ELL2: variants seen among roughly 807,000 people sequenced by gnomAD.
ELL2 encodes the protein elongation factor for RNA polymerase II 2, also known as RNA polymerase II elongation factor ELL2.
Under a neutral mutation model 72.8 loss-of-function variants are expected in ELL2, and 21 were observed. That is an observed-to-expected ratio of 0.29 (90% CI 0.20 to 0.42). The LOEUF (loss-of-function observed/expected upper bound fraction) is 0.42, where lower values mean the gene tolerates loss of function less well. ELL2 is among the 10% of genes least tolerant of loss of function. The pLI is 1.00. For missense variants in ELL2, 568 were observed against 772.8 expected, an observed-to-expected ratio of 0.73 and a Z score of 3.14; for synonymous variants, 266 against 283.2, an observed-to-expected ratio of 0.94 and a Z score of 0.61.
At chr5:95,907,757 G>T (rs1048783572) in intron 4 of ELL2, among the ~76,000 whole-genome samples, 5 of 152,152 alleles carry the variant, frequency 3.3e-5, no homozygotes, top group Admixed American at 6.5e-5. Context: ...TATGCCCTCT[G>T]GTTAAAGAAG....
intron 2 of ELL2, 95 bp from the exon 3 acceptor site, chr5:95,919,640 T>C (rs2112310809): frequency 7.1e-7 from 1 of 1,417,426 alleles, no homozygotes; most frequent in Middle Eastern, 1.9e-4. Context: ...GTGAAAATCA[T>C]TTTAGACCTA....
intron 7 of ELL2, 47 bp downstream of exon 7, chr5:95,900,646 G>C (rs766279114): frequency 2.2e-6 from 3 of 1,348,378 alleles, no homozygotes; most frequent in Non-Finnish European, 3.0e-6. Context: ...CTGATTAGAG[G>C]CCCCTAATAT....
intron 2 of ELL2, among the ~76,000 whole-genome samples, chr5:95,929,493 G>A (rs866602073): frequency 1.2e-4 from 18 of 152,012 alleles, no homozygotes; most frequent in African/African-American, 3.9e-4. Flanking sequence ...TCCTGACCTC[G>A]TGATCTGCCC....
At chr5:95,921,820 T>C (rs1750099294) in intron 2 of ELL2, among the ~76,000 whole-genome samples, 1 of 152,230 alleles carries the variant, frequency 6.6e-6, no homozygotes, top group South Asian at 2.1e-4. Context: ...TCCCTAGGCA[T>C]GACTCATTTA....
At chr5:95,936,907 A>G (rs545834366) in intron 2 of ELL2, among the ~76,000 whole-genome samples, 1 of 152,308 alleles carries the variant, frequency 6.6e-6, no homozygotes, top group East Asian at 1.9e-4. Context: ...TTAGTGACAA[A>G]TTTTATCGAC....
intron 2 of ELL2, among the ~76,000 whole-genome samples, chr5:95,925,109 G>A (rs1285169792): frequency 6.6e-6 from 1 of 152,156 alleles, no homozygotes; most frequent in Non-Finnish European, 1.5e-5. Context: ...GAACCAGCAA[G>A]GGTTTTCTTC....
At chr5:95,931,816 A>AAAAAAAAAAAAC (rs1750610828) in intron 2 of ELL2, among the ~76,000 whole-genome samples, 1 of 150,090 alleles carries the variant, frequency 6.7e-6, no homozygotes, top group African/African-American at 2.4e-5. Context: ...AAAAAAAAAA[A>AAAAAAAAAAAAC]AAAAATACTG....
chr5:95,961,207 C>T (rs1751834082), intron 1 of ELL2, among the ~76,000 whole-genome samples: 1 of 152,114 alleles, frequency 6.6e-6, no homozygotes, highest in Non-Finnish European at 1.5e-5. Context: ...TACCCTCCTT[C>T]CCCGCCGAGG....
intron 4 of ELL2, among the ~76,000 whole-genome samples, chr5:95,912,563 T>C (rs1320661343): frequency 6.6e-6 from 1 of 152,188 alleles, no homozygotes; most frequent in East Asian, 1.9e-4. Flanking sequence ...AAGTTACTTC[T>C]GGGGATAAAG....
intron 3 of ELL2, 96 bp from the exon 4 acceptor site, chr5:95,914,030 TAA>T: frequency 8.6e-7 from 1 of 1,156,566 alleles, no homozygotes; most frequent in Non-Finnish European, 1.2e-6. Flanking sequence ...GCAGCCCAAC[TAA>T]GTTTGCAATC....
At chr5:95,890,686 T>A (rs1748628050) in intron 10 of ELL2, among the ~76,000 whole-genome samples, 1 of 152,214 alleles carries the variant, frequency 6.6e-6, no homozygotes, top group South Asian at 2.1e-4. Flanking sequence ...TTCCTATGTT[T>A]GTATCTTCCC....
intron 2 of ELL2, among the ~76,000 whole-genome samples, chr5:95,935,567 T>C (rs948129531): frequency 6.6e-6 from 1 of 152,178 alleles, no homozygotes; most frequent in African/African-American, 2.4e-5. Context: ...TTAAACCCAA[T>C]AAAATGTCCT....
intron 2 of ELL2, among the ~76,000 whole-genome samples, chr5:95,923,118 C>A (rs1191741296): frequency 6.6e-6 from 1 of 151,980 alleles, no homozygotes; most frequent in Non-Finnish European, 1.5e-5. Flanking sequence ...GGTGTGGTGA[C>A]TTACACTTGT....
intron 7 of ELL2, among the ~76,000 whole-genome samples, chr5:95,899,821 T>C (rs759738288): frequency 7.2e-5 from 11 of 152,140 alleles, no homozygotes; most frequent in Non-Finnish European, 1.5e-4. Context: ...TCCACAGACA[T>C]TGTATATATG....
At chr5:95,947,577 A>G (rs1250674475) in intron 1 of ELL2, among the ~76,000 whole-genome samples, 2 of 152,222 alleles carry the variant, frequency 1.3e-5, no homozygotes, top group African/African-American at 4.8e-5. Flanking sequence ...TTTCAGAGAC[A>G]GAATAAATAA....
intron 2 of ELL2, among the ~76,000 whole-genome samples, chr5:95,942,730 T>C (rs1005434216): frequency 1.3e-5 from 2 of 152,356 alleles, no homozygotes; most frequent in Middle Eastern, 3.4e-3. Context: ...ATGTACGTTA[T>C]ACTTCAATAA....
chr5:95,914,270 A>C (rs1473138960), intron 3 of ELL2, among the ~76,000 whole-genome samples: 1 of 152,152 alleles, frequency 6.6e-6, no homozygotes, highest in Non-Finnish European at 1.5e-5. Context: ...AGAATTATCT[A>C]ACACTGATAT....
rs774375675 is a variant in ELL2 at position 95,935,818 on chromosome 5, CTCT to C, written c.195+7181_195+7183del. 2.5e-4 allele frequency among the ~76,000 whole-genome samples: 38 copies of C among 152,290 alleles called. No individual in the cohort carries two copies. The East Asian group carries it at 5.8e-3, about 23-fold the overall frequency. ...GTAATAAATACAGAGCCATCCTTAT[CTCT>C]TCTTCTTCTTCTCCTCCCATATGTA... On this transcript the variant is annotated intron_variant, in intron 2 of 11. Transcript: ENST00000237853.
intron 10 of ELL2, 82 bp downstream of exon 10, chr5:95,891,021 G>T: frequency 6.4e-7 from 1 of 1,565,914 alleles, no homozygotes; most frequent in Non-Finnish European, 8.8e-7. Flanking sequence ...AAAGGCCACT[G>T]TGATGGCTGA....
Sources: gnomAD v4.1 joint callset for allele counts (sites outside exome capture counted in the v4.1 genomes callset) on GRCh38, gnomAD v4.1.1 for gene constraint, MANE v1.5 for transcripts, NCBI Gene and HGNC (gene_info 2026-07-23, HGNC 2026-07-21) for gene names.